Variants in SYNPR observed in about 807,000 individuals in gnomAD.
The protein encoded by SYNPR is synaptoporin.
Under a neutral mutation model 32.9 loss-of-function variants are expected in SYNPR, and 23 were observed. That is an observed-to-expected ratio of 0.70 (90% CI 0.50 to 0.99). SYNPR has a LOEUF of 0.99. Ranked by LOEUF, SYNPR falls within the 50% of genes least tolerant of loss-of-function variation. The pLI is 0.00. For synonymous variants in SYNPR, 146 were observed against 135.9 expected (o/e 1.07, Z -0.52); for missense variants, 318 against 349.3 (o/e 0.91, Z 0.71).
intron 2 of SYNPR, among the ~76,000 whole-genome samples, chr3:63,318,765 G>A (rs549778110): frequency 2.6e-5 from 4 of 151,956 alleles, no homozygotes; most frequent in Non-Finnish European, 4.4e-5. Flanking sequence ...AGGTAAACCA[G>A]GGATTTTTTC....
At chr3:63,524,848 T>TGC (rs201384321) in intron 3 of SYNPR, among the ~76,000 whole-genome samples, 2,746 of 120,584 alleles carry the variant, frequency 0.023, 75 homozygotes, top group African/African-American at 0.066. Flanking sequence ...TGTGTGTGTG[T>TGC]GTGCATGTGT....
At chr3:63,326,413 A>G (rs1349479) in intron 2 of SYNPR, among the ~76,000 whole-genome samples, 68,575 of 151,850 alleles carry the variant, frequency 0.45, 15,631 homozygotes, top group Middle Eastern at 0.52. Context: ...CCTTACAATA[A>G]GTCTACTTTA....
At chr3:63,370,217 C>A (rs575703441) in intron 2 of SYNPR, among the ~76,000 whole-genome samples, 1 of 152,228 alleles carries the variant, frequency 6.6e-6, no homozygotes, top group African/African-American at 2.4e-5. Context: ...CTAAAAGCTT[C>A]CCTAGGGGAG....
At chr3:63,253,455 A>G (rs2086354946) in intron 2 of SYNPR, among the ~76,000 whole-genome samples, 1 of 152,192 alleles carries the variant, frequency 6.6e-6, no homozygotes, top group Admixed American at 6.5e-5. Flanking sequence ...TTGATGAATA[A>G]ATCCTAGTCT....
chr3:63,220,326 AC>A, the SYNPR span, among the ~76,000 whole-genome samples: 1 of 152,226 alleles, frequency 6.6e-6, no homozygotes, highest in Non-Finnish European at 1.5e-5. Flanking sequence ...TTATGTTGGA[AC>A]TAAGCAAGGA....
intron 2 of SYNPR, among the ~76,000 whole-genome samples, chr3:63,313,756 TCC>T (rs1432604399): frequency 2.3e-4 from 7 of 29,852 alleles, no homozygotes; most frequent in Admixed American, 8.2e-4. Flanking sequence ...CATATATATA[TCC>T]ATATATATAT....
chr3:63,532,074 C>T (rs565808525), intron 3 of SYNPR, among the ~76,000 whole-genome samples: 4 of 152,324 alleles, frequency 2.6e-5, no homozygotes, highest in East Asian at 1.9e-4. Flanking sequence ...GCCTTCCATT[C>T]TTTCCCTTTG....
At chr3:63,453,050 T>G (rs772721101) in intron 2 of SYNPR, among the ~76,000 whole-genome samples, 1 of 152,094 alleles carries the variant, frequency 6.6e-6, no homozygotes, top group Non-Finnish European at 1.5e-5. Flanking sequence ...CCTGGGAGCT[T>G]GTTAAAAATG....
chr3:63,234,838 G>A (rs543315959), intron 1 of SYNPR, among the ~76,000 whole-genome samples: 15 of 152,234 alleles, frequency 9.9e-5, no homozygotes, highest in African/African-American at 2.6e-4. Context: ...ATAGTTTAAC[G>A]CAGTGGGGAA....
intron 2 of SYNPR, among the ~76,000 whole-genome samples, chr3:63,375,687 T>A (rs1401989353): frequency 6.6e-6 from 1 of 152,152 alleles, no homozygotes; most frequent in Non-Finnish European, 1.5e-5. Flanking sequence ...ACCTGCACGT[T>A]GTGCATATGT....
Position 63,615,507 on chromosome 3 carries a change from A to G in SYNPR, c.*26A>G. Reference sequence around the variant, plus strand: ...CAGAGTAGCATTTGCATTCTTCTGCAGTCGCCTCACCATCTTCCATTTCAG... The same window carrying G: ...CAGAGTAGCATTTGCATTCTTCTGCGGTCGCCTCACCATCTTCCATTTCAG... On this transcript the variant is annotated 3_prime_UTR_variant, in exon 6 of 6. Coordinates refer to ENST00000478300, the MANE Select transcript of SYNPR (RefSeq NM_001130003.2). 6.3e-7 allele frequency: 1 copy of G among 1,599,250 alleles called. No homozygotes were observed. The highest frequency in any genetic ancestry group is 8.5e-7 in the Non-Finnish European group (1 of 1,171,236).
intron 2 of SYNPR, among the ~76,000 whole-genome samples, chr3:63,279,170 C>G (rs2086604829): frequency 6.6e-6 from 1 of 152,108 alleles, no homozygotes; most frequent in Admixed American, 6.5e-5. Flanking sequence ...TGGCCAAGCT[C>G]AGAAAGTTGG....
intron 2 of SYNPR, among the ~76,000 whole-genome samples, chr3:63,437,330 G>A (rs1471627236): frequency 2.0e-5 from 3 of 152,114 alleles, no homozygotes; most frequent in Non-Finnish European, 4.4e-5. Context: ...CACCTTGTAT[G>A]CATTCGTTTA....
chr3:63,516,366 G>C (rs1238863055), intron 3 of SYNPR, among the ~76,000 whole-genome samples: 3 of 152,098 alleles, frequency 2.0e-5, no homozygotes, highest in Admixed American at 2.0e-4. Context: ...GAATACTCAG[G>C]AGCTTCTTGT....
chr3:63,439,187 C>T (rs1700129747), intron 2 of SYNPR, among the ~76,000 whole-genome samples: 1 of 152,170 alleles, frequency 6.6e-6, no homozygotes, highest in Non-Finnish European at 1.5e-5. Context: ...ACTGAAAGAT[C>T]ACAGTTGAAG....
chr3:63,290,920 G>C (rs1372447632), intron 2 of SYNPR, among the ~76,000 whole-genome samples: 1 of 152,174 alleles, frequency 6.6e-6, no homozygotes, highest in Admixed American at 6.5e-5. Context: ...CTGATGGACA[G>C]TTGGCACACT....
chr3:63,359,201 G>C (rs1180589515), intron 2 of SYNPR, among the ~76,000 whole-genome samples: 2 of 152,108 alleles, frequency 1.3e-5, no homozygotes, highest in Non-Finnish European at 2.9e-5. Context: ...GACCTAAGGG[G>C]AGGCTGACCT....
At chr3:63,273,109 A>G (rs2086549285) in intron 3 of SYNPR, among the ~76,000 whole-genome samples, 2 of 152,236 alleles carry the variant, frequency 1.3e-5, no homozygotes, top group African/African-American at 4.8e-5. Flanking sequence ...CGTTCCTGGA[A>G]TACTAGCAGT....
intron 2 of SYNPR, among the ~76,000 whole-genome samples, chr3:63,308,964 AGAC>A (rs1200271377): frequency 1.3e-5 from 2 of 151,916 alleles, no homozygotes; most frequent in Non-Finnish European, 2.9e-5. Context: ...CCCCTTCTAT[AGAC>A]TTCAGTTTCT....
Sources: allele counts gnomAD v4.1 joint callset (sites outside exome capture counted in the v4.1 genomes callset), GRCh38; gene constraint gnomAD v4.1.1; transcripts MANE v1.5; gene names NCBI Gene and HGNC (gene_info 2026-07-23, HGNC 2026-07-21).